The following SHISA9 variants were observed in gnomAD, a reference collection of about 807,000 sequenced individuals.
SHISA9 encodes the protein protein shisa-9.
A neutral mutation model predicts 38.0 loss-of-function variants in SHISA9; 13 were observed. The observed-to-expected ratio is 0.34, with a 90% confidence interval of 0.22 to 0.54. SHISA9 has a LOEUF of 0.54. Among genes scored for constraint, SHISA9 ranks in the 20% least tolerant of loss-of-function variants. The pLI, the probability that SHISA9 is intolerant of heterozygous loss-of-function variation, is 0.91. For synonymous variants in SHISA9, 275 were observed against 242.0 expected (o/e 1.14, Z -1.27); for missense variants, 538 against 575.8 (o/e 0.93, Z 0.67).
At chr16:13,480,033 A>C in the SHISA9 span, among the ~76,000 whole-genome samples, 1 of 152,220 alleles carries the variant, frequency 6.6e-6, no homozygotes, top group Non-Finnish European at 1.5e-5. Flanking sequence ...CCTCAGTTTT[A>C]TAATCTGAAA....
intron 2 of SHISA9, among the ~76,000 whole-genome samples, chr16:13,034,451 G>A (rs8045515): frequency 0.6 from 91,485 of 152,070 alleles, 28,510 homozygotes; most frequent in Middle Eastern, 0.74. Flanking sequence ...GGGAGAATTG[G>A]AACATAGATA....
At chr16:12,963,272 C>T (rs1202103884) in intron 2 of SHISA9, among the ~76,000 whole-genome samples, 1 of 152,136 alleles carries the variant, frequency 6.6e-6, no homozygotes, top group East Asian at 1.9e-4. Context: ...CTCTGCAGGA[C>T]CCAGTATTGG....
chr16:13,366,315 G>A, the SHISA9 span, among the ~76,000 whole-genome samples: 1 of 152,200 alleles, frequency 6.6e-6, no homozygotes, highest in South Asian at 2.1e-4. Flanking sequence ...ATCAGCCTGT[G>A]AAAATAGAGG....
the SHISA9 span, among the ~76,000 whole-genome samples, chr16:13,452,886 G>A: frequency 2.6e-5 from 4 of 151,512 alleles, no homozygotes; most frequent in African/African-American, 9.7e-5. Context: ...GTTGGCTCAA[G>A]AATCCCTCAC....
chr16:13,053,068 A>G (rs2073270975), intron 2 of SHISA9, among the ~76,000 whole-genome samples: 1 of 150,276 alleles, frequency 6.7e-6, no homozygotes. Context: ...GGTTCAAGCA[A>G]TTCTCATGTC....
At chr16:13,034,583 C>T (rs1160810555) in intron 2 of SHISA9, among the ~76,000 whole-genome samples, 3 of 152,202 alleles carry the variant, frequency 2.0e-5, no homozygotes, top group South Asian at 2.1e-4. Flanking sequence ...CCCAATTCTT[C>T]AGACCTCCCT....
chr16:12,906,401 G>C (rs2071094077), intron 1 of SHISA9, among the ~76,000 whole-genome samples: 1 of 152,168 alleles, frequency 6.6e-6, no homozygotes. Context: ...CCTGTGGCCT[G>C]CTTGCTTCTG....
the SHISA9 span, among the ~76,000 whole-genome samples, chr16:13,530,176 A>C: frequency 6.6e-6 from 1 of 152,116 alleles, no homozygotes; most frequent in Non-Finnish European, 1.5e-5. Flanking sequence ...TGGTGAACAC[A>C]TGTAGTCCCA....
At chr16:13,414,032 C>T in the SHISA9 span, among the ~76,000 whole-genome samples, 1 of 152,212 alleles carries the variant, frequency 6.6e-6, no homozygotes, top group East Asian at 1.9e-4. Flanking sequence ...TTCCCAAATC[C>T]CACCACTTGA....
In SHISA9 at chr16:13,018,758, T is replaced by C. The variant is rs111552133; in HGVS notation, c.691+101943T>C. Among the ~76,000 whole-genome samples the C allele has an allele frequency of 4.0e-3, 603 of 152,310 alleles. 4 individuals carry two copies. The highest frequency in any genetic ancestry group is 0.014 in the African/African-American group (565 of 41,580). On this transcript the variant is annotated intron_variant, in intron 2 of 4. Transcript: ENST00000558583. ...AATTTGAATGTGCATAAATACCAGC[T>C]GGTGAGTGTGTGAAAATGCTGATTC...
chr16:12,917,561 T>C (rs182508113), intron 2 of SHISA9, among the ~76,000 whole-genome samples: 16 of 152,338 alleles, frequency 1.1e-4, no homozygotes, highest in Admixed American at 9.8e-4. Context: ...AAGGTCTGTA[T>C]ATACAATATA....
rs1025965873 is a variant in SHISA9, at chr16:13,022,424, C to T, written c.691+105609C>T. Reference sequence around the variant, plus strand: ...TTGGCTCACTGCAACCTCTGCCTCCCGGGTTCACGCGATTCTCCTGCCTCA... The same window carrying T: ...TTGGCTCACTGCAACCTCTGCCTCCTGGGTTCACGCGATTCTCCTGCCTCA... On this transcript the variant is annotated intron_variant, in intron 2 of 4. Transcript: ENST00000558583. 4.4e-4 allele frequency among the ~76,000 whole-genome samples: 67 copies of T among 152,038 alleles called. 1 individual carries two copies. Among genetic ancestry groups the T allele is most frequent in the African/African-American group, 1.5e-3 (62 of 41,382 alleles).
chr16:13,072,729 C>G (rs1347015243), intron 2 of SHISA9, among the ~76,000 whole-genome samples: 1 of 151,526 alleles, frequency 6.6e-6, no homozygotes, highest in African/African-American at 2.4e-5. Context: ...GGCACGATCT[C>G]AGCTCGCTGC....
intron 1 of SHISA9, 130 bp from the exon 2 acceptor site, chr16:12,916,558 C>G (rs1224477746): frequency 1.8e-6 from 2 of 1,111,654 alleles, no homozygotes; most frequent in East Asian, 2.8e-5. Flanking sequence ...CTCTACTCCA[C>G]CCCTAACTAG....
At position 13,203,473 on chromosome 16, in the gene SHISA9, G is replaced by A. The variant is rs1200812604; in HGVS notation, c.771G>A (p.Leu257=). The A allele has an allele frequency of 6.4e-7, 1 of 1,551,202 alleles. No individual in the cohort carries two copies. The change falls in exon 3 of 5, where the codon CTG becomes CTA. Residue 257 remains leucine (L), a synonymous_variant. Coordinates refer to ENST00000558583, the MANE Select transcript of SHISA9 (RefSeq NM_001145204.3). ...GCCATCCACATTCGTACCCGAACCTGGGCCAGATCTCCAACCCCTATGAAC... is the reference window on the plus strand; with the variant it reads ...GCCATCCACATTCGTACCCGAACCTAGGCCAGATCTCCAACCCCTATGAAC... ...QMGHPHSYPN[L]GQISNPYEQQ...
At chr16:13,391,765 A>G in the SHISA9 span, among the ~76,000 whole-genome samples, 6 of 152,208 alleles carry the variant, frequency 3.9e-5, no homozygotes, top group Non-Finnish European at 7.3e-5. Context: ...CTGGGAGCCA[A>G]GCAACAAAGT....
chr16:12,937,160 A>G (rs1314965308), intron 2 of SHISA9, among the ~76,000 whole-genome samples: 1 of 152,202 alleles, frequency 6.6e-6, no homozygotes, highest in African/African-American at 2.4e-5. Context: ...TCCCAGAAGG[A>G]TGACTTGCTC....
intron 2 of SHISA9, among the ~76,000 whole-genome samples, chr16:13,069,154 T>C (rs1007670914): frequency 2.1e-4 from 31 of 151,012 alleles, no homozygotes; most frequent in African/African-American, 7.6e-4. Flanking sequence ...TATGCATGTA[T>C]GTGTATATAT....
chr16:13,047,959 A>G (rs1291672901), intron 2 of SHISA9, among the ~76,000 whole-genome samples: 1 of 152,178 alleles, frequency 6.6e-6, no homozygotes, highest in African/African-American at 2.4e-5. Flanking sequence ...ACCATGTGGA[A>G]GTATGATTCA....
Sources: gnomAD v4.1 joint callset for allele counts (sites outside exome capture counted in the v4.1 genomes callset) on GRCh38, gnomAD v4.1.1 for gene constraint, MANE v1.5 for transcripts, NCBI Gene and HGNC (gene_info 2026-07-23, HGNC 2026-07-21) for gene names.